Variants in KDM4C observed in about 807,000 individuals in gnomAD.
KDM4C encodes the protein lysine demethylase 4C.
A neutral mutation model predicts 129.3 loss-of-function variants in KDM4C; 81 were observed. The ratio of observed to expected loss-of-function variants is 0.63; its 90% CI spans 0.52 to 0.75. The LOEUF (loss-of-function observed/expected upper bound fraction) is 0.75. Among genes scored for constraint, KDM4C ranks in the 30% least tolerant of loss-of-function variants. The pLI is 0.00. For missense variants in KDM4C, 1,457 were observed against 1,304.0 expected (o/e 1.12, Z -1.81); for synonymous variants, 573 against 456.1 (o/e 1.26, Z -3.26).
At chr9:6,799,527 T>C (rs1455498605) in intron 2 of KDM4C, among the ~76,000 whole-genome samples, 1 of 150,394 alleles carries the variant, frequency 6.6e-6, no homozygotes, top group East Asian at 1.9e-4. Context: ...ACAGTCCAAC[T>C]TCGGCTTGGC....
chr9:6,888,591 A>C (rs1588944225), intron 7 of KDM4C, among the ~76,000 whole-genome samples: 1 of 152,186 alleles, frequency 6.6e-6, no homozygotes, highest in East Asian at 1.9e-4. Flanking sequence ...TAGATGCTGG[A>C]TCCCACATTC....
intron 1 of KDM4C, among the ~76,000 whole-genome samples, chr9:6,721,329 G>A (rs183637771): frequency 7.4e-6 from 1 of 135,862 alleles, no homozygotes; most frequent in Non-Finnish European, 1.5e-5. Context: ...TCCCACCCAG[G>A]ACAGAGGGCA....
At chr9:6,751,932 G>C (rs992964169) in intron 1 of KDM4C, among the ~76,000 whole-genome samples, 1 of 152,100 alleles carries the variant, frequency 6.6e-6, no homozygotes, top group African/African-American at 2.4e-5. Flanking sequence ...ATCTTACAAG[G>C]CAACATTTTG....
chr9:7,076,310 C>A, intron 17 of KDM4C: 2 of 673,264 alleles, frequency 3.0e-6, no homozygotes, highest in Non-Finnish European at 5.3e-6. Flanking sequence ...TCAAGGAATA[C>A]ATATGGGAAG....
chr9:6,828,442 C>T (rs1025828988), intron 4 of KDM4C, among the ~76,000 whole-genome samples: 6 of 152,036 alleles, frequency 3.9e-5, no homozygotes, highest in African/African-American at 9.7e-5. Context: ...CCACCGTGCC[C>T]GGCCATCTCT....
chr9:6,799,454 ACT>A, intron 2 of KDM4C, among the ~76,000 whole-genome samples: 1 of 152,216 alleles, frequency 6.6e-6, no homozygotes, highest in Non-Finnish European at 1.5e-5. Context: ...AATCGCAGGC[ACT>A]CTGCAGGCTG....
intron 16 of KDM4C, among the ~76,000 whole-genome samples, chr9:7,048,520 G>A (rs1386989830): frequency 6.6e-6 from 1 of 151,970 alleles, no homozygotes; most frequent in Non-Finnish European, 1.5e-5. Flanking sequence ...AGGAAACTAG[G>A]GTATGAGATA....
At chr9:6,961,650 A>G (rs1830073636) in intron 8 of KDM4C, among the ~76,000 whole-genome samples, 1 of 152,246 alleles carries the variant, frequency 6.6e-6, no homozygotes, top group African/African-American at 2.4e-5. Context: ...TATCATAGTA[A>G]TCCTTGTTAT....
intron 6 of KDM4C, among the ~76,000 whole-genome samples, chr9:6,884,012 A>T (rs937293130): frequency 6.6e-6 from 1 of 152,180 alleles, no homozygotes; most frequent in Non-Finnish European, 1.5e-5. Context: ...CTTGAAATGG[A>T]AAAAACTTGC....
chr9:6,742,399 T>C (rs1378612284), intron 1 of KDM4C, among the ~76,000 whole-genome samples: 1 of 152,160 alleles, frequency 6.6e-6, no homozygotes, highest in African/African-American at 2.4e-5. Flanking sequence ...TCTGTCTTTT[T>C]TATTCATTTA....
At chr9:6,801,912 C>G (rs1301647847) in intron 2 of KDM4C, among the ~76,000 whole-genome samples, 2 of 151,878 alleles carry the variant, frequency 1.3e-5, no homozygotes, top group Non-Finnish European at 2.9e-5. Context: ...CGAGACCAGC[C>G]TGGCCAACAT....
At chr9:7,081,167 C>G (rs1242152131) in intron 17 of KDM4C, among the ~76,000 whole-genome samples, 2 of 152,190 alleles carry the variant, frequency 1.3e-5, no homozygotes, top group African/African-American at 2.4e-5. Flanking sequence ...GATTACTTCA[C>G]TTAATGTTGT....
At chr9:7,160,146 T>A (rs1843628416) in intron 19 of KDM4C, among the ~76,000 whole-genome samples, 1 of 152,224 alleles carries the variant, frequency 6.6e-6, no homozygotes, top group African/African-American at 2.4e-5. Context: ...TGTGCGTGCG[T>A]CACAAAGTTC....
At chr9:6,750,828 C>T (rs72699607) in intron 1 of KDM4C, among the ~76,000 whole-genome samples, 1 of 152,126 alleles carries the variant, frequency 6.6e-6, no homozygotes, top group Non-Finnish European at 1.5e-5. Context: ...TTTTACTATT[C>T]TCTGGGTTAG....
intron 5 of KDM4C, among the ~76,000 whole-genome samples, chr9:6,877,990 TAACAG>T (rs574416508): frequency 1.3e-5 from 2 of 152,340 alleles, no homozygotes; most frequent in South Asian, 4.1e-4. Flanking sequence ...ATAGCATTGA[TAACAG>T]AAGAGAGAAG....
intron 8 of KDM4C, chr9:6,925,642 C>T: frequency 6.1e-6 from 6 of 985,326 alleles, no homozygotes; most frequent in Non-Finnish European, 4.8e-6. Flanking sequence ...CAGCCCTTCA[C>T]CGTTTCAGAA....
chr9:6,882,286 A>G (rs1844573808), intron 6 of KDM4C, among the ~76,000 whole-genome samples: 1 of 152,194 alleles, frequency 6.6e-6, no homozygotes, highest in Non-Finnish European at 1.5e-5. Flanking sequence ...TTGGATTGCA[A>G]ATATGGAGGA....
At chr9:7,091,613 A>T (rs963083824) in intron 17 of KDM4C, among the ~76,000 whole-genome samples, 5 of 152,238 alleles carry the variant, frequency 3.3e-5, no homozygotes, top group Non-Finnish European at 5.9e-5. Context: ...CTACAAGAAC[A>T]AAATACTTCA....
At chr9:6,894,346 A>G (rs1044999505) in intron 8 of KDM4C, among the ~76,000 whole-genome samples, 1 of 152,252 alleles carries the variant, frequency 6.6e-6, no homozygotes, top group African/African-American at 2.4e-5. Context: ...TGAGTAATTC[A>G]GAAAGGAACA....
Sources: gnomAD v4.1 joint callset for allele counts (sites outside exome capture counted in the v4.1 genomes callset) on GRCh38, gnomAD v4.1.1 for gene constraint, MANE v1.5 for transcripts, NCBI Gene and HGNC (gene_info 2026-07-23, HGNC 2026-07-21) for gene names.